Variants in ZNF236 observed in about 807,000 individuals in gnomAD.
ZNF236 encodes regulated by glucose.
ZNF236 carries 50 observed loss-of-function variants against 191.2 expected under a neutral mutation model. The observed-to-expected ratio is 0.26, with a 90% confidence interval of 0.21 to 0.33. The LOEUF (loss-of-function observed/expected upper bound fraction) is 0.33. Ranked by LOEUF, ZNF236 falls within the 10% of genes least tolerant of loss-of-function variation. The pLI, the probability that ZNF236 is intolerant of heterozygous loss-of-function variation, is 1.00. For missense variants in ZNF236, 1,754 were observed against 2,374.5 expected, an observed-to-expected ratio of 0.74 and a Z score of 5.43; for synonymous variants, 907 against 928.8, an observed-to-expected ratio of 0.98 and a Z score of 0.43.
chr18:76,968,109 T>C, intron 30 of ZNF236, 106 bp from the exon 31 acceptor site: 1 of 1,438,164 alleles, frequency 7.0e-7, no homozygotes, highest in South Asian at 1.2e-5. Context: ...CAAATTACTT[T>C]AGAAATTCCT....
chr18:76,960,602 G>A lies in ZNF236; in HGVS notation c.5243-77G>A. The A allele has an allele frequency of 3.2e-6, 5 of 1,549,068 alleles. No individual in the cohort carries two copies. The highest frequency in any genetic ancestry group is 4.4e-6 in the Non-Finnish European group (5 of 1,125,128). Reference sequence around the variant, plus strand: ...AAAAGAGGAACATTCAGTCCCTCTTGTTCATACCTCAGGGTAGAGCCCAGG... The same window carrying A: ...AAAAGAGGAACATTCAGTCCCTCTTATTCATACCTCAGGGTAGAGCCCAGG... On this transcript the variant is annotated intron_variant, in intron 29 of 30. Transcript: ENST00000320610. This position sits in a 1 kb window ranked among gnomAD's most constrained non-coding sequence, Gnocchi z 4.4.
At chr18:76,831,018 C>T (rs1355889731) in intron 1 of ZNF236, among the ~76,000 whole-genome samples, 1 of 152,208 alleles carries the variant, frequency 6.6e-6, no homozygotes, top group African/African-American at 2.4e-5. Context: ...TCTCTCCTCA[C>T]AGTTTCTCCT....
chr18:76,921,416 G>T (rs1967529775), intron 20 of ZNF236, among the ~76,000 whole-genome samples: 1 of 152,100 alleles, frequency 6.6e-6, no homozygotes, highest in African/African-American at 2.4e-5. Flanking sequence ...AGGAGAGGAG[G>T]AGCTAAGGGG....
chr18:76,876,698 C>T (rs77509088), intron 6 of ZNF236, among the ~76,000 whole-genome samples: 4,454 of 152,218 alleles, frequency 0.029, 108 homozygotes, highest in East Asian at 0.1. Context: ...CTTTAGATTT[C>T]GGAAGAATAA....
In ZNF236 at chr18:76,969,120, A is replaced by C. The variant is rs916710285; in HGVS notation, c.*781A>C. The C allele has an allele frequency of 1.8e-5, 7 of 387,288 alleles. No individual in the cohort carries two copies. The highest frequency in any genetic ancestry group is 1.5e-4 in the African/African-American group (7 of 46,034). 24.0% of individuals were successfully genotyped at this position (387,288 alleles called of 1,614,324 possible). On this transcript the variant is annotated 3_prime_UTR_variant, in exon 31 of 31. Transcript: ENST00000320610. ...CACAAGCCATACATCGCAGGTAGGA[A>C]ACCACAGAACCGTCTGCAAGGAGCA...
At position 76,972,575 on chromosome 18, in the gene ZNF236, G is replaced by T. The variant is rs1568254478; in HGVS notation, c.*4236G>T. ...TTAGTATGAATGGCAGGAGCAACAG[G>T]CAGTCAGAAGAGATTTTTCTATTTA... On this transcript the variant is annotated 3_prime_UTR_variant, in exon 31 of 31. Coordinates refer to ENST00000320610, the MANE Select transcript of ZNF236 (RefSeq NM_001306089.2). 6.6e-6 allele frequency among the ~76,000 whole-genome samples: 1 copy of T among 152,152 alleles called. No homozygotes were observed. Among genetic ancestry groups the T allele is most frequent in the Non-Finnish European group, 1.5e-5 (1 of 68,034 alleles).
At chr18:76,866,959 C>G (rs1256533420) in intron 3 of ZNF236, among the ~76,000 whole-genome samples, 1 of 152,208 alleles carries the variant, frequency 6.6e-6, no homozygotes, top group Non-Finnish European at 1.5e-5. Context: ...ACCATCTGAG[C>G]ACGTCGTGCA....
chr18:76,927,660 A>T lies in ZNF236; in HGVS notation c.4414+143A>T. 8.4e-7 allele frequency: 1 copy of T among 1,183,596 alleles called. No individual in the cohort carries two copies. The allele number at this position is 1,183,596 out of a possible 1,614,324, so 73.3% of individuals were successfully genotyped here. On this transcript the variant is annotated intron_variant, in intron 24 of 30. Transcript: ENST00000320610. This position sits in a 1 kb window ranked among gnomAD's most constrained non-coding sequence, Gnocchi z 5.4. ...AAATCAAATGTCCTGAGAATAAAAT[A>T]AGCTTTTCTTACAATTAATGATATG...
intron 10 of ZNF236, 162 bp downstream of exon 10, chr18:76,895,447 CGTAA>C: frequency 9.6e-7 from 1 of 1,039,410 alleles, no homozygotes; most frequent in Admixed American, 2.5e-5. Context: ...CAGTACTGCA[CGTAA>C]GTGTGGCCCG....
At chr18:76,849,372 A>G in intron 1 of ZNF236, 154 bp from the exon 2 acceptor site, 2 of 550,902 alleles carry the variant, frequency 3.6e-6, no homozygotes, top group Non-Finnish European at 6.2e-6. Flanking sequence ...AAACATGTCA[A>G]TTAAAAAAAT....
intron 1 of ZNF236, among the ~76,000 whole-genome samples, chr18:76,845,796 C>T (rs996472566): frequency 2.0e-5 from 3 of 151,610 alleles, no homozygotes; most frequent in African/African-American, 7.3e-5. Context: ...TTGCAGTGAG[C>T]AGAGATCGCA....
At chr18:76,878,602 CAGAG>C (rs1319830880) in intron 7 of ZNF236, among the ~76,000 whole-genome samples, 1 of 147,930 alleles carries the variant, frequency 6.8e-6, no homozygotes, top group Admixed American at 6.9e-5. Flanking sequence ...TGCCTACACA[CAGAG>C]AGACACAGGT....
intron 30 of ZNF236, among the ~76,000 whole-genome samples, chr18:76,963,122 A>T (rs540058169): frequency 2.3e-4 from 35 of 152,230 alleles, no homozygotes; most frequent in African/African-American, 8.4e-4. Flanking sequence ...GTTGAAGAGG[A>T]GTAGTGAGAG....
At chr18:76,826,215 A>C (rs1975014438) in intron 1 of ZNF236, among the ~76,000 whole-genome samples, 1 of 150,878 alleles carries the variant, frequency 6.6e-6, no homozygotes, top group Non-Finnish European at 1.5e-5. Context: ...GGGTTCAAGC[A>C]ATTCTCCTGC....
rs1044535884 is a variant in ZNF236, at chr18:76,837,177, T to C, written c.56-12349T>C. On this transcript the variant is annotated intron_variant, in intron 1 of 30. Coordinates refer to ENST00000320610, the MANE Select transcript of ZNF236 (RefSeq NM_001306089.2). ...TCCCAAAGTGCTGGAATTACAGGCA[T>C]GTGCTGCCATGCCCAGCCTTCACAA... 1.3e-4 allele frequency among the ~76,000 whole-genome samples: 17 copies of C among 127,888 alleles called. No individual in the cohort carries two copies. The Admixed American group carries it at 1.8e-3, about 14-fold the overall frequency. The allele number at this position is 127,888 out of a possible 152,430, so 83.9% of individuals were successfully genotyped here. A position where few individuals can be genotyped will look rare whatever the true frequency, so the allele number is the denominator to read the frequency against.
chr18:76,831,371 T>C (rs1049047301), intron 1 of ZNF236, among the ~76,000 whole-genome samples: 19 of 152,224 alleles, frequency 1.2e-4, no homozygotes, highest in African/African-American at 4.6e-4. Flanking sequence ...CAAGGCTTGA[T>C]AGGTATTTCA....
chr18:76,855,500 A>G (rs1201791934), intron 3 of ZNF236, among the ~76,000 whole-genome samples: 2 of 152,184 alleles, frequency 1.3e-5, no homozygotes, highest in Admixed American at 6.5e-5. Flanking sequence ...CCTTTTCATC[A>G]GTTAACTATG....
chr18:76,845,713 G>C (rs1199715936), intron 1 of ZNF236, among the ~76,000 whole-genome samples: 1 of 152,110 alleles, frequency 6.6e-6, no homozygotes, highest in Non-Finnish European at 1.5e-5. Context: ...GCCAGGCGTG[G>C]TGGCGCACAC....
At position 76,971,860 on chromosome 18, in the gene ZNF236, A is replaced by G. The variant is rs747953876; in HGVS notation, c.*3521A>G. ...TATATAGAACTGCTTTCTAGTGTAT[A>G]TTAAGGCTATCTCATGCCTGCTTCT... On this transcript the variant is annotated 3_prime_UTR_variant, in exon 31 of 31. Coordinates refer to ENST00000320610, the MANE Select transcript of ZNF236 (RefSeq NM_001306089.2). Among the ~76,000 whole-genome samples, 6 of 152,252 alleles carry G rather than the reference A, an allele frequency of 3.9e-5. No individual in the cohort carries two copies. Among genetic ancestry groups the G allele is most frequent in the East Asian group, 3.8e-4 (2 of 5,198 alleles).
Sources: allele counts gnomAD v4.1 joint callset (sites outside exome capture counted in the v4.1 genomes callset), GRCh38; gene constraint gnomAD v4.1.1; non-coding constraint Gnocchi (gnomAD v3.1); transcripts MANE v1.5; gene names NCBI Gene and HGNC (gene_info 2026-07-23, HGNC 2026-07-21).